CCDC33: variants seen among roughly 807,000 people sequenced by gnomAD.
CCDC33 encodes coiled-coil domain containing 33.
In CCDC33, 94 loss-of-function variants were observed where a neutral mutation model predicts 91.9. The observed-to-expected ratio is 1.02, with a 90% CI of 0.87 to 1.21. The LOEUF (loss-of-function observed/expected upper bound fraction) is 1.21. Among genes scored for constraint, CCDC33 ranks in the 50% most tolerant of loss-of-function variants. The pLI is 0.00. For synonymous variants in CCDC33, 396 were observed against 374.5 expected, an observed-to-expected ratio of 1.06 and a Z score of -0.66; for missense variants, 940 against 935.5, an observed-to-expected ratio of 1.00 and a Z score of -0.06.
intron 2 of CCDC33, among the ~76,000 whole-genome samples, chr15:74,259,515 A>C (rs2075964599): frequency 6.6e-6 from 1 of 151,806 alleles, no homozygotes; most frequent in Admixed American, 6.6e-5. Context: ...ACCTGCTAAA[A>C]GCCTCCCCCT....
intron 3 of CCDC33, among the ~76,000 whole-genome samples, chr15:74,262,935 C>A (rs561138109): frequency 1.3e-5 from 2 of 152,334 alleles, no homozygotes; most frequent in African/African-American, 4.8e-5. Flanking sequence ...CCAGGAGGAG[C>A]AATGCTGCTC....
chr15:74,255,286 G>A (rs1206621067), intron 2 of CCDC33, among the ~76,000 whole-genome samples: 1 of 152,216 alleles, frequency 6.6e-6, no homozygotes, highest in Non-Finnish European at 1.5e-5. Flanking sequence ...GAGATGCTTA[G>A]GGGATGTGCC....
rs545453838 is a variant in CCDC33 at position 74,277,354 on chromosome 15, TG to T, written c.760-2606del. The stretch of plus-strand genomic sequence containing the variant: ...TCCTCCAGATGGCGGCCACTATGCC[TG>T]GGCAGAGCAGGCAGAGGTGGATGTG... On this transcript the variant is annotated intron_variant, in intron 7 of 18. Transcript: ENST00000398814. Among the ~76,000 whole-genome samples the T allele has an allele frequency of 2.9e-4, 44 of 152,292 alleles. No individual in the cohort carries two copies. The East Asian group carries it at 8.3e-3, about 29-fold the overall frequency.
chr15:74,251,174 ACT>A (rs1432029016), intron 2 of CCDC33, among the ~76,000 whole-genome samples: 2 of 152,134 alleles, frequency 1.3e-5, no homozygotes, highest in East Asian at 1.9e-4. Context: ...CCTGGGAAAC[ACT>A]CTCAGTTCTT....
chr15:74,254,177 C>T (rs563051217), intron 2 of CCDC33, among the ~76,000 whole-genome samples: 77 of 151,738 alleles, frequency 5.1e-4, no homozygotes, highest in African/African-American at 9.7e-4. Context: ...GGATTACAGG[C>T]GCGCGCCACC....
chr15:74,330,257 C>T lies in CCDC33; in HGVS notation c.1359C>T (p.Ala453=). 6.2e-7 allele frequency: 1 copy of T among 1,613,070 alleles called. No individual in the cohort carries two copies. Among genetic ancestry groups the T allele is most frequent in the Non-Finnish European group, 8.5e-7 (1 of 1,179,870 alleles). ...AEDILSLRRQ[A]SILEGENRIL... ...ACATCCTGTCTCTGCGGAGACAGGC[C>T]AGCATCCTGGAAGGAGAGAACCGCA... The change falls in exon 12 of 19, where the codon GCC becomes GCT. Residue 453 remains alanine, a synonymous_variant. Transcript: ENST00000398814.
intron 11 of CCDC33, among the ~76,000 whole-genome samples, chr15:74,320,930 A>G (rs1382365581): frequency 6.6e-6 from 1 of 152,142 alleles, no homozygotes; most frequent in South Asian, 2.1e-4. Context: ...AGTGGCTGGG[A>G]AGGGAGCTTG....
intron 11 of CCDC33, among the ~76,000 whole-genome samples, chr15:74,322,398 T>C (rs1216629133): frequency 2.6e-5 from 4 of 152,100 alleles, no homozygotes; most frequent in Non-Finnish European, 2.9e-5. Flanking sequence ...AATTAGCAGC[T>C]AGCAGGGAAG....
At chr15:74,235,141 G>A (rs1318880896), upstream of CCDC33, among the ~76,000 whole-genome samples, 1 of 152,186 alleles carries the variant, frequency 6.6e-6, no homozygotes, top group Non-Finnish European at 1.5e-5. Flanking sequence ...TCCTGGTCAG[G>A]CCCCCAGCCC....
chr15:74,263,067 G>A (rs2076070215), intron 3 of CCDC33, among the ~76,000 whole-genome samples: 1 of 152,176 alleles, frequency 6.6e-6, no homozygotes, highest in Non-Finnish European at 1.5e-5. Context: ...GCTTCCATTT[G>A]ATTTTTTAAA....
chr15:74,310,101 G>A (rs1483224372), intron 11 of CCDC33, among the ~76,000 whole-genome samples: 1 of 152,124 alleles, frequency 6.6e-6, no homozygotes, highest in Non-Finnish European at 1.5e-5. Context: ...CGGGCAGTGA[G>A]CCATGTGCCC....
chr15:74,206,257 G>A (rs369513697), intron 1 of CCDC33, among the ~76,000 whole-genome samples: 5 of 152,212 alleles, frequency 3.3e-5, no homozygotes, highest in African/African-American at 1.2e-4. Flanking sequence ...GTGCGGGCAG[G>A]GTGGGCAGGC....
chr15:74,268,493 G>GC (rs762054302), intron 5 of CCDC33, 35 bp downstream of exon 5: 16 of 1,449,228 alleles, frequency 1.1e-5, no homozygotes, highest in Middle Eastern at 1.8e-4. Context: ...GTGGTGGTGG[G>GC]GGTGGGAAAG....
At chr15:74,268,153 G>A (rs933796177) in intron 4 of CCDC33, among the ~76,000 whole-genome samples, 189 bp from the exon 5 acceptor site, 5 of 152,216 alleles carry the variant, frequency 3.3e-5, no homozygotes, top group African/African-American at 1.2e-4. Context: ...ATATTCAAAT[G>A]GAAAAGGGAA....
chr15:74,264,990 GC>G (rs1205840580), intron 3 of CCDC33, among the ~76,000 whole-genome samples: 1 of 152,118 alleles, frequency 6.6e-6, no homozygotes, highest in Non-Finnish European at 1.5e-5. Context: ...CACCTTCAGT[GC>G]CCTCTCCCCC....
chr15:74,334,920 C>T (rs1366747197), intron 17 of CCDC33, 55 bp from the exon 18 acceptor site: 2 of 1,414,272 alleles, frequency 1.4e-6, no homozygotes, highest in Non-Finnish European at 2.0e-6. Flanking sequence ...TCCTGGCCAT[C>T]AGGGATTAGC....
intron 16 of CCDC33, chr15:74,333,185 C>A: frequency 6.7e-7 from 1 of 1,499,108 alleles, no homozygotes; most frequent in Non-Finnish European, 9.1e-7. Flanking sequence ...ATTCCCTGGT[C>A]TTGGTGCAGC....
chr15:74,257,462 C>A (rs1205480520), intron 2 of CCDC33, among the ~76,000 whole-genome samples: 1 of 152,194 alleles, frequency 6.6e-6, no homozygotes, highest in Non-Finnish European at 1.5e-5. Flanking sequence ...AACCCCCTGC[C>A]CAGCAATCCC....
chr15:74,333,234 A>C, intron 16 of CCDC33: 1 of 1,595,674 alleles, frequency 6.3e-7, no homozygotes, highest in African/African-American at 1.3e-5. Context: ...GACCCCGGGG[A>C]GTTGGGAGCA....
Sources: gnomAD v4.1 joint callset for allele counts (sites outside exome capture counted in the v4.1 genomes callset) on GRCh38, gnomAD v4.1.1 for gene constraint, MANE v1.5 for transcripts, NCBI Gene and HGNC (gene_info 2026-07-23, HGNC 2026-07-21) for gene names.